Variants in COTL1 observed in about 807,000 individuals in gnomAD.
COTL1 encodes coactosin-like protein.
COTL1 carries 15 observed loss-of-function variants against 16.5 expected under a neutral mutation model. The ratio of observed to expected loss-of-function variants is 0.91; its 90% CI spans 0.61 to 1.40. COTL1 has a LOEUF of 1.40. Among genes scored for constraint, COTL1 ranks in the 40% most tolerant of loss-of-function variants. The pLI, the probability that COTL1 is intolerant of heterozygous loss-of-function variation, is 0.00. For synonymous variants in COTL1, 112 were observed against 85.3 expected (o/e 1.31, Z -1.73); for missense variants, 220 against 201.5 (o/e 1.09, Z -0.56).
At chr16:84,605,043 C>G (rs1161565817) in intron 2 of COTL1, among the ~76,000 whole-genome samples, 1 of 152,240 alleles carries the variant, frequency 6.6e-6, no homozygotes, top group Non-Finnish European at 1.5e-5. Flanking sequence ...AGGAGCATTG[C>G]TCCCCAGACA....
In COTL1 at chr16:84,590,225, G is replaced by T. The variant is rs763877938; in HGVS notation, c.198C>A (p.Thr66=). Residue 66 remains threonine, a synonymous_variant, in exon 3 of 4, where the codon ACC becomes ACA. Transcript: ENST00000262428. This position sits in a 1 kb window ranked among gnomAD's most constrained non-coding sequence, Gnocchi z 5.5. ...TGGACCTCTTGCTCATGGCATCCCC[G>T]GTGGTGAAGCGCACGAAGGCAAACA... ...VRLFAFVRFT[T]GDAMSKRSKF... 25 of 1,614,172 alleles carry T rather than the reference G, an allele frequency of 1.5e-5. No homozygotes were observed. The highest frequency in any genetic ancestry group is 2.0e-5 in the Non-Finnish European group (24 of 1,180,010).
At chr16:84,572,617 C>G (rs554994367) in intron 3 of COTL1, among the ~76,000 whole-genome samples, 2 of 152,186 alleles carry the variant, frequency 1.3e-5, no homozygotes, top group Admixed American at 6.5e-5. Context: ...CAAGCCACCA[C>G]GTCCAGCTGA....
At chr16:84,594,059 G>C (rs1039299413) in intron 2 of COTL1, among the ~76,000 whole-genome samples, 1 of 149,332 alleles carries the variant, frequency 6.7e-6, no homozygotes, top group Admixed American at 6.7e-5. Flanking sequence ...TTCACTCAGC[G>C]TCACATCTCC....
At chr16:84,598,659 C>CG (rs1421156358) in intron 2 of COTL1, among the ~76,000 whole-genome samples, 7 of 150,946 alleles carry the variant, frequency 4.6e-5, no homozygotes, top group Non-Finnish European at 1.0e-4. Flanking sequence ...CCCCCCCAAC[C>CG]CCCCCCACCA....
rs148263016 is a variant in COTL1, at chr16:84,590,168, G to C, written c.255C>G (p.Asn85Lys). 1 of 1,614,166 alleles carries C rather than the reference G, an allele frequency of 6.2e-7. No individual in the cohort carries two copies. Among genetic ancestry groups the C allele is most frequent in the Non-Finnish European group, 8.5e-7 (1 of 1,180,016 alleles). Residue 85 changes from asparagine to lysine, a missense_variant, in exon 3 of 4, where the codon AAC (asparagine) becomes AAG (lysine). Asn to Lys is a moderately conservative substitution (Grantham distance 94). Coordinates refer to ENST00000262428, the MANE Select transcript of COTL1 (RefSeq NM_021149.5). This position sits in a 1 kb window ranked among gnomAD's most constrained non-coding sequence, Gnocchi z 5.5. ...TTTTGGCGCGCTGCAGCCCGCTGAC[G>C]TTCTCACCGATCCACGTGATGAGGG... Reference protein sequence around the residue: ...KFALITWIGENVSGLQRAKTG... With the variant: ...KFALITWIGEKVSGLQRAKTG...
intron 2 of COTL1, among the ~76,000 whole-genome samples, chr16:84,598,739 G>A (rs1412627357): frequency 6.7e-6 from 1 of 149,494 alleles, no homozygotes; most frequent in Non-Finnish European, 1.5e-5. Flanking sequence ...AGAGACAGTG[G>A]GGGTGGGAAG....
intron 2 of COTL1, chr16:84,594,725 T>C (rs1904954565): frequency 6.6e-6 from 1 of 152,312 alleles, no homozygotes; most frequent in Non-Finnish European, 1.5e-5. Context: ...CAAGCCTCCA[T>C]GGAGGTAAGT....
intron 2 of COTL1, among the ~76,000 whole-genome samples, chr16:84,592,609 A>AAAT (rs1904897478): frequency 6.6e-6 from 1 of 151,520 alleles, no homozygotes; most frequent in South Asian, 2.1e-4. Context: ...AAAAAAAAAA[A>AAAT]AAAAAATCAA....
At chr16:84,585,146 G>T (rs570859635) in intron 3 of COTL1, among the ~76,000 whole-genome samples, 1 of 152,234 alleles carries the variant, frequency 6.6e-6, no homozygotes, top group South Asian at 2.1e-4. Flanking sequence ...GCCCAGGGAG[G>T]GAGAGACTTG....
chr16:84,582,351 C>T (rs900109726), intron 3 of COTL1, among the ~76,000 whole-genome samples: 5 of 152,222 alleles, frequency 3.3e-5, no homozygotes, highest in Admixed American at 6.5e-5. Flanking sequence ...ACAATGTTGC[C>T]CAGGCTGGTT....
intron 3 of COTL1, among the ~76,000 whole-genome samples, chr16:84,571,003 A>C (rs1166251880): frequency 6.6e-6 from 1 of 151,926 alleles, no homozygotes; most frequent in Non-Finnish European, 1.5e-5. Context: ...AGAAAGACAA[A>C]ACTTTAAACA....
intron 2 of COTL1, among the ~76,000 whole-genome samples, chr16:84,606,399 A>G (rs78042041): frequency 0.015 from 2,297 of 152,322 alleles, 50 homozygotes; most frequent in African/African-American, 0.052. Context: ...CCTACTCAAC[A>G]ACATCTGTGC....
intron 3 of COTL1, among the ~76,000 whole-genome samples, chr16:84,573,945 C>T (rs943182221): frequency 6.6e-6 from 1 of 152,140 alleles, no homozygotes; most frequent in African/African-American, 2.4e-5. Flanking sequence ...CGCTTGAACC[C>T]CGGAGTTCCA....
intron 3 of COTL1, among the ~76,000 whole-genome samples, chr16:84,588,171 A>G (rs1228559522): frequency 6.6e-6 from 1 of 152,090 alleles, no homozygotes; most frequent in Non-Finnish European, 1.5e-5. Context: ...GCTTGAGTCC[A>G]GGAATTCGAG....
At chr16:84,600,137 G>C (rs118177270) in intron 2 of COTL1, among the ~76,000 whole-genome samples, 1,759 of 152,164 alleles carry the variant, frequency 0.012, 20 homozygotes, top group Middle Eastern at 0.034. Flanking sequence ...TCTTTTTTCA[G>C]AGTGACTTTC....
chr16:84,577,807 A>G (rs751030418), intron 3 of COTL1, among the ~76,000 whole-genome samples: 9 of 152,182 alleles, frequency 5.9e-5, no homozygotes, highest in Non-Finnish European at 1.0e-4. Context: ...GTGATGTCCT[A>G]GAAGCACGCT....
intron 3 of COTL1, among the ~76,000 whole-genome samples, chr16:84,580,665 A>G (rs1904567640): frequency 6.6e-6 from 1 of 151,854 alleles, no homozygotes; most frequent in South Asian, 2.1e-4. Flanking sequence ...CCACCTGAAC[A>G]CTCACCTTGG....
chr16:84,568,966 C>T (rs908441147), intron 3 of COTL1: 1 of 152,184 alleles, frequency 6.6e-6, no homozygotes. Context: ...GTTTTGGAAC[C>T]AGACAGAGGT....
At chr16:84,580,868 G>A (rs539757219) in intron 3 of COTL1, among the ~76,000 whole-genome samples, 1 of 152,100 alleles carries the variant, frequency 6.6e-6, no homozygotes, top group African/African-American at 2.4e-5. Context: ...ATGAGGCCAG[G>A]CATGGTGGCT....
Sources: allele counts gnomAD v4.1 joint callset (sites outside exome capture counted in the v4.1 genomes callset), GRCh38; gene constraint gnomAD v4.1.1; non-coding constraint Gnocchi (gnomAD v3.1); transcripts MANE v1.5; gene names NCBI Gene and HGNC (gene_info 2026-07-23, HGNC 2026-07-21).